The following GRIK2 variants were observed in gnomAD, a reference collection of about 807,000 sequenced individuals.
The protein encoded by GRIK2 is glutamate receptor ionotropic, kainate 2.
In GRIK2, 32 loss-of-function variants were observed where a neutral mutation model predicts 100.3. That is an observed-to-expected ratio of 0.32 (90% CI 0.24 to 0.43). The LOEUF (loss-of-function observed/expected upper bound fraction) is 0.43. GRIK2 is among the 20% of genes least tolerant of loss of function. GRIK2 has a pLI of 1.00. For synonymous variants in GRIK2, 417 were observed against 389.4 expected, an observed-to-expected ratio of 1.07 and a Z score of -0.83; for missense variants, 843 against 1,114.9, an observed-to-expected ratio of 0.76 and a Z score of 3.47.
chr6:102,043,557 T>C (rs188970108), intron 15 of GRIK2, among the ~76,000 whole-genome samples: 82 of 152,080 alleles, frequency 5.4e-4, no homozygotes, highest in Non-Finnish European at 9.7e-4. Context: ...TATTCTCTTG[T>C]TTCATCTAGG....
chr6:101,996,352 A>G lies in GRIK2; in HGVS notation c.2086-38989A>G, dbSNP rs1794649278. 3.3e-5 allele frequency among the ~76,000 whole-genome samples: 5 copies of G among 152,164 alleles called. No homozygotes were observed. In the South Asian group the frequency reaches 8.3e-4, roughly 25 times the overall value. On this transcript the variant is annotated intron_variant, in intron 14 of 16. Transcript: ENST00000369134. ...AGAGTGTGTATGTCAGGATATTTCA[A>G]ACGGTGAAGAAATAATGTTTTTAAC...
chr6:101,625,899 C>G (rs112752505), intron 3 of GRIK2, among the ~76,000 whole-genome samples: 4 of 152,024 alleles, frequency 2.6e-5, no homozygotes, highest in Admixed American at 2.0e-4. Context: ...TCGCATAACC[C>G]GACATGTATC....
In GRIK2 at chr6:101,906,385, T is replaced by TG. The variant is rs60341557; in HGVS notation, c.1748+16522_1748+16523insG. Among the ~76,000 whole-genome samples the TG allele has an allele frequency of 5.0e-4, 75 of 151,406 alleles. 1 individual carries two copies. The highest frequency in any genetic ancestry group is 3.4e-3 in the Middle Eastern group (1 of 290). ...CAAGATCTGTGTGTGTGTGTGTGTGTTTGTGTGTGTTTAAACCTTGGGATA... is the reference window on the plus strand; with the variant it reads ...CAAGATCTGTGTGTGTGTGTGTGTGTGTTGTGTGTGTTTAAACCTTGGGATA... On this transcript the variant is annotated intron_variant, in intron 12 of 16. Transcript: ENST00000369134.
intron 14 of GRIK2, among the ~76,000 whole-genome samples, chr6:101,971,335 T>A (rs1446182996): frequency 6.6e-6 from 1 of 152,058 alleles, no homozygotes; most frequent in African/African-American, 2.4e-5. Flanking sequence ...AAATGTAATC[T>A]TCTTGTAAAC....
At chr6:101,584,453 G>T (rs1430660223) in intron 2 of GRIK2, among the ~76,000 whole-genome samples, 1 of 151,864 alleles carries the variant, frequency 6.6e-6, no homozygotes, top group East Asian at 1.9e-4. Context: ...GACTAAAAAA[G>T]TCTGCTTTGT....
At chr6:101,594,947 C>A (rs1161199388) in intron 2 of GRIK2, among the ~76,000 whole-genome samples, 3 of 150,796 alleles carry the variant, frequency 2.0e-5, no homozygotes, top group Non-Finnish European at 4.4e-5. Flanking sequence ...GACAAATAAG[C>A]ATGTGGGCAA....
intron 14 of GRIK2, among the ~76,000 whole-genome samples, chr6:101,981,147 C>T (rs1194765082): frequency 1.3e-5 from 2 of 151,748 alleles, no homozygotes; most frequent in South Asian, 4.1e-4. Flanking sequence ...CAGACCCAAG[C>T]AGGTTGATGA....
At chr6:101,878,342 G>GC (rs1554279153) in intron 11 of GRIK2, among the ~76,000 whole-genome samples, 16 of 149,250 alleles carry the variant, frequency 1.1e-4, no homozygotes, top group African/African-American at 3.9e-4. Context: ...AAAGTGTCAA[G>GC]TTTTTTTTTC....
chr6:101,805,005 C>G (rs1003603119), intron 9 of GRIK2, among the ~76,000 whole-genome samples: 1 of 151,896 alleles, frequency 6.6e-6, no homozygotes, highest in Non-Finnish European at 1.5e-5. Flanking sequence ...TCACTCTGCC[C>G]TTTACTTTTT....
chr6:101,641,533 C>CT (rs1348280049), intron 4 of GRIK2, among the ~76,000 whole-genome samples: 1 of 151,616 alleles, frequency 6.6e-6, no homozygotes, highest in Non-Finnish European at 1.5e-5. Context: ...AAATGATGAG[C>CT]TTTTTTTTCT....
chr6:101,889,532 C>T (rs1786893614), intron 11 of GRIK2, 108 bp from the exon 12 acceptor site: 1 of 636,860 alleles, frequency 1.6e-6, no homozygotes, highest in African/African-American at 1.9e-5. Context: ...AGTGTAAAGC[C>T]TTTGTTTTAT....
intron 7 of GRIK2, among the ~76,000 whole-genome samples, chr6:101,768,612 T>C (rs1342316620): frequency 6.6e-6 from 1 of 152,226 alleles, no homozygotes; most frequent in East Asian, 1.9e-4. Flanking sequence ...ATTATGTTAA[T>C]ATGAGGGACA....
intron 14 of GRIK2, among the ~76,000 whole-genome samples, chr6:101,975,797 A>ATCTG (rs1554185776): frequency 3.4e-5 from 4 of 118,648 alleles, no homozygotes; most frequent in Non-Finnish European, 5.3e-5. Flanking sequence ...CTGTCTGTCT[A>ATCTG]TCTATCTATC....
intron 2 of GRIK2, among the ~76,000 whole-genome samples, chr6:101,552,658 C>A (rs1776564708): frequency 6.6e-6 from 1 of 152,146 alleles, no homozygotes; most frequent in South Asian, 2.1e-4. Flanking sequence ...TGCTTCACTG[C>A]ACATAATGTG....
intron 7 of GRIK2, among the ~76,000 whole-genome samples, chr6:101,765,231 A>G (rs1777970417): frequency 6.6e-6 from 1 of 152,118 alleles, no homozygotes; most frequent in Non-Finnish European, 1.5e-5. Context: ...ATTCACCTTA[A>G]TTTGTACTGC....
intron 2 of GRIK2, among the ~76,000 whole-genome samples, chr6:101,440,802 C>T (rs1017427898): frequency 3.3e-5 from 5 of 152,010 alleles, no homozygotes; most frequent in African/African-American, 4.8e-5. Context: ...TGTTTGTCTG[C>T]GCCCTTCCTC....
intron 2 of GRIK2, among the ~76,000 whole-genome samples, chr6:101,604,076 A>G (rs1306491535): frequency 1.3e-5 from 2 of 151,714 alleles, no homozygotes; most frequent in African/African-American, 4.8e-5. Context: ...CTGAAAATAT[A>G]TATTAGCATA....
chr6:101,437,606 T>A (rs537026056), intron 2 of GRIK2, among the ~76,000 whole-genome samples: 16 of 152,156 alleles, frequency 1.1e-4, no homozygotes, highest in Non-Finnish European at 2.1e-4. Context: ...TGTGGATACA[T>A]TCTTAATACC....
intron 9 of GRIK2, among the ~76,000 whole-genome samples, chr6:101,809,849 G>A (rs1365946065): frequency 6.6e-6 from 1 of 151,934 alleles, no homozygotes; most frequent in Non-Finnish European, 1.5e-5. Context: ...CGACATTTTT[G>A]TGTGTCAGTG....
Sources: allele counts gnomAD v4.1 joint callset (sites outside exome capture counted in the v4.1 genomes callset), GRCh38; gene constraint gnomAD v4.1.1; transcripts MANE v1.5; gene names NCBI Gene and HGNC (gene_info 2026-07-23, HGNC 2026-07-21).